HCRTR2: variants seen among roughly 807,000 people sequenced by gnomAD.
The protein encoded by HCRTR2 is orexin receptor type 2.
A neutral mutation model predicts 49.0 loss-of-function variants in HCRTR2; 22 were observed. The observed-to-expected ratio is 0.45, with a 90% CI of 0.32 to 0.64. HCRTR2 has a LOEUF of 0.64. Among genes scored for constraint, HCRTR2 ranks in the 30% least tolerant of loss-of-function variants. The pLI, the probability that HCRTR2 is intolerant of heterozygous loss-of-function variation, is 0.04. For synonymous variants in HCRTR2, 236 were observed against 205.3 expected (o/e 1.15, Z -1.28); for missense variants, 491 against 559.4 (o/e 0.88, Z 1.23).
intron 1 of HCRTR2, among the ~76,000 whole-genome samples, chr6:55,195,567 C>T (rs1765394073): frequency 2.6e-5 from 4 of 152,132 alleles, no homozygotes; most frequent in African/African-American, 7.2e-5. Context: ...TTCAAAATAA[C>T]TCAAAGAGTA....
upstream of HCRTR2, among the ~76,000 whole-genome samples, chr6:55,172,089 A>C (rs1011174554): frequency 6.6e-6 from 1 of 152,210 alleles, no homozygotes; most frequent in Admixed American, 6.5e-5. Context: ...AAAGCCACAG[A>C]AGGCCTACTT....
chr6:55,248,519 C>G, intron 1 of HCRTR2, 120 bp from the exon 2 acceptor site: 2 of 810,942 alleles, frequency 2.5e-6, no homozygotes, highest in Admixed American at 4.0e-5. Flanking sequence ...CACGGCACAG[C>G]CTTCAATTAT....
intron 1 of HCRTR2, among the ~76,000 whole-genome samples, chr6:55,196,054 AAT>A: frequency 6.6e-6 from 1 of 152,220 alleles, no homozygotes; most frequent in Non-Finnish European, 1.5e-5. Flanking sequence ...AATAAAATAA[AAT>A]ATCAGTAATT....
chr6:55,159,080 C>T (rs1764769296), intron 1 of HCRTR2, among the ~76,000 whole-genome samples: 1 of 152,062 alleles, frequency 6.6e-6, no homozygotes, highest in East Asian at 1.9e-4. Flanking sequence ...TGGTGGGTGC[C>T]CCTCTGGGAC....
chr6:55,113,417 T>A (rs765162188), intron 1 of HCRTR2, among the ~76,000 whole-genome samples: 1 of 151,860 alleles, frequency 6.6e-6, no homozygotes, highest in Non-Finnish European at 1.5e-5. Flanking sequence ...TACAAGGAAC[T>A]CAAACAAATC....
downstream of HCRTR2, chr6:55,282,696 T>G (rs970450882): frequency 4.5e-6 from 2 of 439,950 alleles, no homozygotes; most frequent in Non-Finnish European, 7.5e-6. Context: ...TCACTTTTAG[T>G]TTCATGTATT....
At chr6:55,144,802 G>T (rs1195336924) in intron 1 of HCRTR2, among the ~76,000 whole-genome samples, 1 of 152,014 alleles carries the variant, frequency 6.6e-6, no homozygotes, top group Non-Finnish European at 1.5e-5. Flanking sequence ...CTACCTGTGT[G>T]CATTAGTGGC....
chr6:55,194,242 A>G (rs1420626542), intron 1 of HCRTR2, among the ~76,000 whole-genome samples: 1 of 152,138 alleles, frequency 6.6e-6, no homozygotes, highest in Non-Finnish European at 1.5e-5. Context: ...TGCATGTATT[A>G]TTAGAAACAT....
rs887881295 is a variant in HCRTR2, at chr6:55,182,797, A to G, written c.223+7987A>G. Among the ~76,000 whole-genome samples, 8 of 152,346 alleles carry G rather than the reference A, an allele frequency of 5.3e-5. 1 individual carries two copies. Among genetic ancestry groups the G allele is most frequent in the Admixed American group, 2.6e-4 (4 of 15,306 alleles). ...TCTTAACCACCTTTGCCAAAAATTA[A>G]CACTTGTCAGTCATGGTCATATTCA... On this transcript the variant is annotated intron_variant, in intron 1 of 6. Transcript: ENST00000370862.
Position 55,248,777 on chromosome 6 carries a change from T to A in HCRTR2, c.362T>A (p.Phe121Tyr), listed in dbSNP as rs757828015. The change falls in exon 2 of 7, where the codon TTT (phenylalanine) becomes TAT (tyrosine). Residue 121 changes from phenylalanine to tyrosine, a missense_variant. Transcript: ENST00000370862. ...TLVVDITETW[F>Y]FGQSLCKVIP... ...GTCGTGGATATCACTGAGACCTGGT[T>A]TTTTGGACAGTCCCTTTGCAAAGTG... is the stretch of plus-strand genomic sequence containing the variant. 6.2e-7 allele frequency: 1 copy of A among 1,613,514 alleles called. No homozygotes were observed. Among genetic ancestry groups the A allele is most frequent in the Non-Finnish European group, 8.5e-7 (1 of 1,179,532 alleles).
chr6:55,245,963 G>T (rs962257799), intron 1 of HCRTR2, among the ~76,000 whole-genome samples: 21 of 152,094 alleles, frequency 1.4e-4, no homozygotes, highest in African/African-American at 4.8e-4. Flanking sequence ...AGTAGGGTGG[G>T]CCTTTAATCC....
At chr6:55,181,959 A>G (rs1016302431) in intron 1 of HCRTR2, among the ~76,000 whole-genome samples, 15 of 152,212 alleles carry the variant, frequency 9.9e-5, no homozygotes, top group Admixed American at 2.0e-4. Flanking sequence ...AAGTTCTTTC[A>G]GTTATCATAG....
chr6:55,273,114 CA>C (rs377667167), intron 4 of HCRTR2, among the ~76,000 whole-genome samples: 12 of 151,926 alleles, frequency 7.9e-5, no homozygotes, highest in African/African-American at 1.4e-4. Flanking sequence ...CTGAGGTAAA[CA>C]AAAAGTGTCA....
intron 1 of HCRTR2, among the ~76,000 whole-genome samples, chr6:55,217,130 A>G (rs1765801713): frequency 6.6e-6 from 1 of 152,174 alleles, no homozygotes; most frequent in Non-Finnish European, 1.5e-5. Flanking sequence ...CTGGGCAGCA[A>G]GCTGTGGAGA....
chr6:55,125,678 C>T (rs564351435), intron 1 of HCRTR2, among the ~76,000 whole-genome samples: 101 of 152,008 alleles, frequency 6.6e-4, no homozygotes, highest in African/African-American at 2.2e-3. Context: ...AGGTTGGGGA[C>T]GTTTTCTTGG....
At chr6:55,233,214 G>A (rs1384015798) in intron 1 of HCRTR2, among the ~76,000 whole-genome samples, 2 of 151,576 alleles carry the variant, frequency 1.3e-5, no homozygotes, top group Admixed American at 6.6e-5. Context: ...TCGGCATCCC[G>A]AGTAGCTGGG....
At chr6:55,196,436 A>C (rs1207783414) in intron 1 of HCRTR2, among the ~76,000 whole-genome samples, 1 of 152,126 alleles carries the variant, frequency 6.6e-6, no homozygotes, top group Non-Finnish European at 1.5e-5. Flanking sequence ...ACTTGGGATG[A>C]TTAGACATAG....
chr6:55,161,194 C>T (rs2127262385), intron 1 of HCRTR2, among the ~76,000 whole-genome samples: 1 of 152,236 alleles, frequency 6.6e-6, no homozygotes, highest in South Asian at 2.1e-4. Flanking sequence ...CAAAACCGCA[C>T]AACTACATGG....
At chr6:55,223,693 G>A (rs574747765) in intron 1 of HCRTR2, among the ~76,000 whole-genome samples, 4 of 151,328 alleles carry the variant, frequency 2.6e-5, no homozygotes, top group African/African-American at 7.3e-5. Flanking sequence ...TCTATATGGC[G>A]GGCTATCACT....
Sources: allele counts gnomAD v4.1 joint callset (sites outside exome capture counted in the v4.1 genomes callset), GRCh38; gene constraint gnomAD v4.1.1; transcripts MANE v1.5; gene names NCBI Gene and HGNC (gene_info 2026-07-23, HGNC 2026-07-21).